CNTLN: variants seen among roughly 807,000 people sequenced by gnomAD.
The protein encoded by CNTLN is centlein.
CNTLN carries 212 observed loss-of-function variants against 180.0 expected under a neutral mutation model. The ratio of observed to expected loss-of-function variants is 1.18; its 90% confidence interval spans 1.05 to 1.32. The LOEUF (loss-of-function observed/expected upper bound fraction) is 1.32, where lower values mean the gene tolerates loss of function less well. CNTLN is among the 40% of genes most tolerant of loss of function. CNTLN has a pLI of 0.00. For synonymous variants in CNTLN, 722 were observed against 563.1 expected, an observed-to-expected ratio of 1.28 and a Z score of -3.99; for missense variants, 2,095 against 1,610.9, an observed-to-expected ratio of 1.30 and a Z score of -5.14.
In CNTLN at chr9:17,488,972, A is replaced by G. The variant is rs1286385511; in HGVS notation, c.4119+1906A>G. 3.3e-5 allele frequency among the ~76,000 whole-genome samples: 5 copies of G among 152,106 alleles called. No homozygotes were observed. The East Asian group carries it at 7.7e-4, about 23-fold the overall frequency. On this transcript the variant is annotated intron_variant, in intron 25 of 25. Coordinates refer to ENST00000380647, the MANE Select transcript of CNTLN (RefSeq NM_017738.4). ...AATTTTATTCCACTGTGACAGTATGATAACATTTAAAAAGTCAAAGACTTT... is the reference window on the plus strand; with the variant it reads ...AATTTTATTCCACTGTGACAGTATGGTAACATTTAAAAAGTCAAAGACTTT...
chr9:17,165,958 T>C (rs1272551577), intron 2 of CNTLN, among the ~76,000 whole-genome samples: 2 of 152,184 alleles, frequency 1.3e-5, no homozygotes, highest in Admixed American at 6.5e-5. Flanking sequence ...TCCACCCCCA[T>C]CCTAGGTCAA....
intron 18 of CNTLN, among the ~76,000 whole-genome samples, chr9:17,430,662 T>G (rs1587974086): frequency 6.6e-6 from 1 of 152,114 alleles, no homozygotes. Flanking sequence ...TCTATGTAAC[T>G]GTATTTTTGT....
At chr9:17,319,008 A>G (rs958464929) in intron 8 of CNTLN, among the ~76,000 whole-genome samples, 1 of 152,212 alleles carries the variant, frequency 6.6e-6, no homozygotes. Context: ...GCAGATAGAA[A>G]ATAGTTACAA....
intron 6 of CNTLN, among the ~76,000 whole-genome samples, chr9:17,295,993 AGAGAGTGTGT>A (rs879483105): frequency 5.7e-3 from 461 of 81,024 alleles, no homozygotes; most frequent in African/African-American, 0.02. Flanking sequence ...AGAGAGAGAG[AGAGAGTGTGT>A]GTGTGTGTGT....
chr9:17,507,385 A>G (rs1362668922), downstream of CNTLN, among the ~76,000 whole-genome samples: 1 of 152,026 alleles, frequency 6.6e-6, no homozygotes, highest in Admixed American at 6.6e-5. Context: ...TCTTTATCCA[A>G]TCCACCATTG....
intron 6 of CNTLN, among the ~76,000 whole-genome samples, chr9:17,289,140 C>G (rs1408786652): frequency 8.5e-6 from 1 of 117,712 alleles, no homozygotes; most frequent in Admixed American, 8.4e-5. Flanking sequence ...TTTGCAGCGG[C>G]TGGTACCAGT....
chr9:17,167,054 G>T (rs1317590099), intron 2 of CNTLN: 1 of 205,484 alleles, frequency 4.9e-6, no homozygotes, highest in Admixed American at 6.3e-5. Context: ...ATGTTTTTGA[G>T]AAAGATATTT....
At chr9:17,374,785 A>C (rs751038699) in intron 13 of CNTLN, among the ~76,000 whole-genome samples, 1 of 151,898 alleles carries the variant, frequency 6.6e-6, no homozygotes, top group Admixed American at 6.6e-5. Flanking sequence ...CCCTTGAACC[A>C]GGAGTTGGAG....
At chr9:17,204,606 T>A (rs1822783609) in intron 2 of CNTLN, among the ~76,000 whole-genome samples, 1 of 152,196 alleles carries the variant, frequency 6.6e-6, no homozygotes, top group Non-Finnish European at 1.5e-5. Context: ...GAGGTGTCTG[T>A]CAACCATGTT....
chr9:17,487,059 A>G lies in CNTLN; in HGVS notation c.4112A>G (p.Glu1371Gly). 6.3e-7 allele frequency: 1 copy of G among 1,597,882 alleles called. No homozygotes were observed. Among genetic ancestry groups the G allele is most frequent in the Non-Finnish European group, 8.6e-7 (1 of 1,167,456 alleles). ...EWMLYIQKLLEGQLPFASYLL... is the reference protein window; with the variant it reads ...EWMLYIQKLLGGQLPFASYLL... ...ATGTTGTACATTCAGAAACTTCTTG[A>G]AGGACAGGTATTTCATTTTTCTGTT... Residue 1371 changes from glutamate (E) to glycine (G), a missense_variant, in exon 25 of 26, where the codon GAA becomes GGA. Transcript: ENST00000380647.
intron 13 of CNTLN, among the ~76,000 whole-genome samples, chr9:17,381,526 T>G (rs1825255519): frequency 6.6e-6 from 1 of 152,230 alleles, no homozygotes; most frequent in Non-Finnish European, 1.5e-5. Context: ...TGGGTTACCA[T>G]TTTCTCAGCA....
rs767559898 is a variant in CNTLN at position 17,143,387 on chromosome 9, A to G, written c.449+11A>G. On this transcript the variant is annotated intron_variant, in intron 2 of 25. Transcript: ENST00000380647. Reference sequence around the variant, plus strand: ...TTTGGTTGTGGAAAGGTGAGCTCTCAAATTATTTTTTCATGAGTATTTGGT... The same window carrying G: ...TTTGGTTGTGGAAAGGTGAGCTCTCGAATTATTTTTTCATGAGTATTTGGT... 36 of 1,605,562 alleles carry G rather than the reference A, an allele frequency of 2.2e-5. 1 individual carries two copies. The South Asian group carries it at 4.0e-4, about 18-fold the overall frequency.
chr9:17,247,588 A>G (rs1825867871), intron 5 of CNTLN, among the ~76,000 whole-genome samples: 1 of 152,134 alleles, frequency 6.6e-6, no homozygotes, highest in South Asian at 2.1e-4. Context: ...TGTTAAAACC[A>G]GGTACTGTGA....
Position 17,301,301 on chromosome 9 carries a change from C to T in CNTLN, c.1146+2949C>T, listed in dbSNP as rs370220480. 8.1e-6 allele frequency: 8 copies of T among 985,358 alleles called. No individual in the cohort carries two copies. The South Asian group carries it at 1.9e-4, about 23-fold the overall frequency. 61.0% of individuals were successfully genotyped at this position (985,358 alleles called of 1,614,324 possible). On this transcript the variant is annotated intron_variant, in intron 7 of 25. Transcript: ENST00000380647. Reference sequence around the variant, plus strand: ...CTGGGGTACATTTTGAAACCGTAAACACTTTTCTTCTAGGATTATGTTTAT... The same window carrying T: ...CTGGGGTACATTTTGAAACCGTAAATACTTTTCTTCTAGGATTATGTTTAT...
At chr9:17,466,453 G>T (rs1040642400) in intron 22 of CNTLN, among the ~76,000 whole-genome samples, 1 of 151,122 alleles carries the variant, frequency 6.6e-6, no homozygotes, top group Non-Finnish European at 1.5e-5. Flanking sequence ...AGGATCTTTT[G>T]GTCTAAAATA....
intron 2 of CNTLN, among the ~76,000 whole-genome samples, chr9:17,148,544 C>T (rs1172876161): frequency 6.6e-6 from 1 of 152,228 alleles, no homozygotes; most frequent in Non-Finnish European, 1.5e-5. Flanking sequence ...CTCCCTATGG[C>T]ATGTCACAAC....
chr9:17,457,159 G>A (rs1400859094), intron 18 of CNTLN, among the ~76,000 whole-genome samples: 1 of 152,124 alleles, frequency 6.6e-6, no homozygotes, highest in East Asian at 1.9e-4. Context: ...ATCTTGTCCT[G>A]CTCCAGCTTG....
At chr9:17,241,958 C>T (rs1378613270) in intron 5 of CNTLN, among the ~76,000 whole-genome samples, 8 of 152,134 alleles carry the variant, frequency 5.3e-5, no homozygotes, top group African/African-American at 1.9e-4. Context: ...GTGGACTCTT[C>T]AGGTTTTTCC....
intron 7 of CNTLN, chr9:17,298,970 A>G (rs570054189): frequency 4.0e-5 from 39 of 981,992 alleles, no homozygotes; most frequent in Non-Finnish European, 4.5e-5. Flanking sequence ...TTGGCCGGGC[A>G]TGGTGGCTCA....
Sources: allele counts gnomAD v4.1 joint callset (sites outside exome capture counted in the v4.1 genomes callset), GRCh38; gene constraint gnomAD v4.1.1; transcripts MANE v1.5; gene names NCBI Gene and HGNC (gene_info 2026-07-23, HGNC 2026-07-21).